The following FKBP14 variants were observed in gnomAD, a reference collection of about 807,000 sequenced individuals.
The protein encoded by FKBP14 is FKBP prolyl isomerase 14.
In FKBP14, 20 loss-of-function variants were observed where a neutral mutation model predicts 21.6. That is an observed-to-expected ratio of 0.92 (90% CI 0.65 to 1.34). The LOEUF is 1.34. FKBP14 is among the 40% of genes most tolerant of loss of function. The pLI is 0.00. For synonymous variants in FKBP14, 79 were observed against 86.7 expected, an observed-to-expected ratio of 0.91 and a Z score of 0.49; for missense variants, 253 against 249.0, an observed-to-expected ratio of 1.02 and a Z score of -0.11.
chr7:30,008,581 T>A (rs143175212), downstream of FKBP14, among the ~76,000 whole-genome samples: 93 of 147,308 alleles, frequency 6.3e-4, no homozygotes, highest in East Asian at 0.012. Context: ...ATTAGCTGAG[T>A]GTGGTGGCAT....
Position 30,022,797 on chromosome 7 carries a change from G to A in FKBP14, c.217C>T (p.Gln73Ter), listed in dbSNP as rs749813924. Residue 73 changes from glutamine (Q) to a stop codon, truncating the protein, a stop_gained, in exon 2 of 4, where the codon CAG (glutamine) becomes TAG (stop). Coordinates refer to ENST00000222803, the MANE Select transcript of FKBP14 (RefSeq NM_017946.4). LOFTEE classifies it high-confidence loss of function. ...ATGCCCAGGGTAAACCAAATGGGCT[G>A]ACCATTGTTATGTTTGTGACTATGA... Reference protein sequence around the residue: ...FHSTHKHNNGQPIWFTLGILE... With the variant: ...FHSTHKHNNG 6.2e-7 allele frequency: 1 copy of A among 1,613,686 alleles called. No individual in the cohort carries two copies. Among genetic ancestry groups the A allele is most frequent in the South Asian group, 1.1e-5 (1 of 90,958 alleles).
chr7:30,017,858 C>G (rs1789931665), intron 3 of FKBP14, among the ~76,000 whole-genome samples: 1 of 151,974 alleles, frequency 6.6e-6, no homozygotes, highest in Admixed American at 6.6e-5. Context: ...ACTAAAAATA[C>G]AAAAATCAGC....
downstream of FKBP14, among the ~76,000 whole-genome samples, chr7:30,010,036 A>G (rs183965184): frequency 1.2e-3 from 182 of 152,236 alleles, 1 homozygote; most frequent in African/African-American, 4.3e-3. Flanking sequence ...AAGAAATATA[A>G]GCAATATCCC....
intron 1 of FKBP14, among the ~76,000 whole-genome samples, chr7:30,024,402 G>A (rs1200702184): frequency 6.6e-6 from 1 of 152,126 alleles, no homozygotes; most frequent in Admixed American, 6.6e-5. Flanking sequence ...ATCATTTGAT[G>A]GTATTTCTTT....
At chr7:30,014,972 C>A in intron 3 of FKBP14, 79 bp from the exon 4 acceptor site, 4 of 898,468 alleles carry the variant, frequency 4.5e-6, no homozygotes, top group Non-Finnish European at 4.9e-6. Context: ...CAGACATGGA[C>A]TGTTATTATA....
chr7:30,011,398 G>A lies in FKBP14; in HGVS notation c.*3337C>T, dbSNP rs1789721277. 1 of 151,344 alleles carries A rather than the reference G, an allele frequency of 6.6e-6. No homozygotes were observed. The allele number at this position is 151,344 out of a possible 1,614,324, so 9.4% of individuals were successfully genotyped here. A position where few individuals can be genotyped will look rare whatever the true frequency, so the allele number is the denominator to read the frequency against. On this transcript the variant is annotated 3_prime_UTR_variant, in exon 4 of 4. Transcript: ENST00000222803. ...CACCTAAGTGTACGGTGTTTATAAA[G>A]TCTACAGTAGTGTACAGTAATGTCC...
rs1789774466 is a variant in FKBP14, at chr7:30,012,792, A to G, written c.*1943T>C. ...ATCATAGTGAGAATTCTAATGTACC[A>G]GAAACAGGCAGAAAGCCATCTTCAG... On this transcript the variant is annotated 3_prime_UTR_variant, in exon 4 of 4. Coordinates refer to ENST00000222803, the MANE Select transcript of FKBP14 (RefSeq NM_017946.4). 1.3e-5 allele frequency: 2 copies of G among 152,252 alleles called. No individual in the cohort carries two copies. Among genetic ancestry groups the G allele is most frequent in the Admixed American group, 1.3e-4 (2 of 15,286 alleles). 9.4% of individuals were successfully genotyped at this position (152,252 alleles called of 1,614,324 possible). A position where few individuals can be genotyped will look rare whatever the true frequency, so the allele number is the denominator to read the frequency against.
chr7:30,024,377 C>T lies in FKBP14; in HGVS notation c.198-1561G>A, dbSNP rs529048049. On this transcript the variant is annotated intron_variant, in intron 1 of 3. Transcript: ENST00000222803. The stretch of plus-strand genomic sequence containing the variant: ...AGGCTATGGTTCTAGAGATGGCAAA[C>T]GTGCTTACAAACTGATCATTTGATG... Among the ~76,000 whole-genome samples, 4 of 152,286 alleles carry T rather than the reference C, an allele frequency of 2.6e-5. No individual in the cohort carries two copies. The South Asian group carries it at 6.2e-4, about 24-fold the overall frequency.
intron 3 of FKBP14, among the ~76,000 whole-genome samples, chr7:30,015,853 C>T (rs1346147725): frequency 6.6e-6 from 1 of 152,042 alleles, no homozygotes; most frequent in Non-Finnish European, 1.5e-5. Flanking sequence ...TCTCGATCTC[C>T]TGACCTCGTG....
intron 1 of FKBP14, among the ~76,000 whole-genome samples, chr7:30,024,957 C>T (rs1318153730): frequency 1.3e-5 from 2 of 152,138 alleles, no homozygotes; most frequent in African/African-American, 4.8e-5. Context: ...TAATATCCAC[C>T]GTGGCACTCA....
At chr7:30,022,877 C>T (rs1252412259) in intron 1 of FKBP14, 61 bp from the exon 2 acceptor site, 19 of 1,475,978 alleles carry the variant, frequency 1.3e-5, no homozygotes, top group Non-Finnish European at 1.7e-5. Flanking sequence ...TTCTTTAGTG[C>T]ATTTTCCCAC....
chr7:30,007,294 C>G (rs998387902), downstream of FKBP14, among the ~76,000 whole-genome samples: 1 of 151,566 alleles, frequency 6.6e-6, no homozygotes, highest in Non-Finnish European at 1.5e-5. Context: ...ACTGCAACCT[C>G]CACCTCCTGA....
intron 2 of FKBP14, 148 bp downstream of exon 2, chr7:30,022,517 C>T: frequency 1.4e-6 from 1 of 714,204 alleles, no homozygotes; most frequent in Non-Finnish European, 2.2e-6. Flanking sequence ...TCAATTGATA[C>T]TCAAGACATA....
In FKBP14 at chr7:30,012,914, A is replaced by C. The variant is rs560591872; in HGVS notation, c.*1821T>G. On this transcript the variant is annotated 3_prime_UTR_variant, in exon 4 of 4. Transcript: ENST00000222803. ...CTTTTCATTAGTAGAGGGCAGTAGA[A>C]GACACTGAACTTGGGGACTGAATAC... 9 of 152,300 alleles carry C rather than the reference A, an allele frequency of 5.9e-5. No homozygotes were observed. Among genetic ancestry groups the C allele is most frequent in the African/African-American group, 2.2e-4 (9 of 41,562 alleles). The allele number at this position is 152,300 out of a possible 1,614,324, so 9.4% of individuals were successfully genotyped here. A position where few individuals can be genotyped will look rare whatever the true frequency, so the allele number is the denominator to read the frequency against.
chr7:30,008,836 C>T (rs888113095), downstream of FKBP14, among the ~76,000 whole-genome samples: 2 of 151,654 alleles, frequency 1.3e-5, no homozygotes, highest in East Asian at 1.9e-4. Flanking sequence ...ATTAGCCGGG[C>T]GTGGTGGCAG....
intron 2 of FKBP14, among the ~76,000 whole-genome samples, chr7:30,020,603 AAAT>A (rs1479906515): frequency 5.9e-5 from 9 of 152,190 alleles, no homozygotes; most frequent in African/African-American, 1.9e-4. Context: ...AACAGATTAA[AAAT>A]AATAAAATAG....
rs142257224 is a variant in FKBP14, at chr7:30,014,834, A to T, written c.537T>A (p.His179Gln). ...EKHGAVVNES[H>Q]HDALVEDIFD... Reference sequence around the variant, plus strand: ...AAATATCCTCCACCAAAGCATCATGATGACTTTCATTCACCACCGCACCAT... The same window carrying T: ...AAATATCCTCCACCAAAGCATCATGTTGACTTTCATTCACCACCGCACCAT... Residue 179 changes from histidine to glutamine, a missense_variant, in exon 4 of 4, where the codon CAT becomes CAA. Physicochemically the swap from His to Gln is conservative, Grantham distance 24. Coordinates refer to ENST00000222803, the MANE Select transcript of FKBP14 (RefSeq NM_017946.4). 1.4e-5 allele frequency: 23 copies of T among 1,611,818 alleles called. No homozygotes were observed. In the East Asian group the frequency reaches 5.1e-4, roughly 36 times the overall value.
At position 30,022,741 on chromosome 7, in the gene FKBP14, G is replaced by A; in HGVS notation, c.273C>T (p.Gly91=). The change falls in exon 2 of 4, where the codon GGC becomes GGT. Residue 91 remains glycine (G), a synonymous_variant. Transcript: ENST00000222803. ...ILEALKGWDQ[G]LKGMCVGEKR... Reference sequence around the variant, plus strand: ...TCTCTCCTACACACATTCCTTTCAAGCCCTGGTCCCAACCTTTGAGAGCCT... The same window carrying A: ...TCTCTCCTACACACATTCCTTTCAAACCCTGGTCCCAACCTTTGAGAGCCT... 1 of 1,614,134 alleles carries A rather than the reference G, an allele frequency of 6.2e-7. No individual in the cohort carries two copies. The highest frequency in any genetic ancestry group is 8.5e-7 in the Non-Finnish European group (1 of 1,180,000).
Position 30,022,760 on chromosome 7 carries a change from A to C in FKBP14, c.254T>G (p.Leu85Arg). 1 of 1,614,136 alleles carries C rather than the reference A, an allele frequency of 6.2e-7. No homozygotes were observed. The highest frequency in any genetic ancestry group is 8.5e-7 in the Non-Finnish European group (1 of 1,180,006). ...IWFTLGILEALKGWDQGLKGM... is the reference protein window; with the variant it reads ...IWFTLGILEARKGWDQGLKGM... ...TTTCAAGCCCTGGTCCCAACCTTTGAGAGCCTCCAGGATGCCCAGGGTAAA... is the reference window on the plus strand; with the variant it reads ...TTTCAAGCCCTGGTCCCAACCTTTGCGAGCCTCCAGGATGCCCAGGGTAAA... The change falls in exon 2 of 4, where the codon CTC becomes CGC. Residue 85 changes from leucine (L) to arginine (R), a missense_variant. Transcript: ENST00000222803.
Sources: allele counts gnomAD v4.1 joint callset (sites outside exome capture counted in the v4.1 genomes callset), GRCh38; gene constraint gnomAD v4.1.1; transcripts MANE v1.5; gene names NCBI Gene and HGNC (gene_info 2026-07-23, HGNC 2026-07-21).